The following CRAMP1 variants were observed in gnomAD, a reference collection of about 807,000 sequenced individuals.
CRAMP1 encodes the protein protein cramped-like.
A neutral mutation model predicts 115.4 loss-of-function variants in CRAMP1; 50 were observed. The observed-to-expected ratio is 0.43, with a 90% CI of 0.35 to 0.55. The LOEUF (loss-of-function observed/expected upper bound fraction) is 0.55, where lower values mean the gene tolerates loss of function less well. Ranked by LOEUF, CRAMP1 falls within the 20% of genes least tolerant of loss-of-function variation. CRAMP1 has a pLI of 0.01. For synonymous variants in CRAMP1, 866 were observed against 745.4 expected, an observed-to-expected ratio of 1.16 and a Z score of -2.64; for missense variants, 1,679 against 1,721.7, an observed-to-expected ratio of 0.98 and a Z score of 0.44.
chr16:1,673,754 G>T, intron 20 of CRAMP1, 127 bp from the exon 21 acceptor site: 1 of 808,778 alleles, frequency 1.2e-6, no homozygotes, highest in Non-Finnish European at 2.0e-6. Context: ...GCCCTGGGCT[G>T]CCATCCCTAG....
chr16:1,623,333 C>T (rs909756801), intron 2 of CRAMP1, among the ~76,000 whole-genome samples: 2 of 152,250 alleles, frequency 1.3e-5, no homozygotes, highest in African/African-American at 4.8e-5. Flanking sequence ...CTTTTCACAT[C>T]TCCTGTGTGC....
intron 6 of CRAMP1, among the ~76,000 whole-genome samples, chr16:1,644,210 C>G (rs2036655782): frequency 6.6e-6 from 1 of 152,192 alleles, no homozygotes; most frequent in African/African-American, 2.4e-5. Flanking sequence ...TCTCTGGGCC[C>G]CAGCCTCACC....
intron 4 of CRAMP1, among the ~76,000 whole-genome samples, chr16:1,632,623 TC>T (rs1227814720): frequency 6.6e-6 from 1 of 152,274 alleles, no homozygotes; most frequent in Non-Finnish European, 1.5e-5. Flanking sequence ...TTTGTGTGTT[TC>T]CAGTGGCTCT....
chr16:1,660,188 A>G (rs1291952684), intron 11 of CRAMP1, 125 bp downstream of exon 11: 2 of 761,170 alleles, frequency 2.6e-6, no homozygotes, highest in Admixed American at 3.5e-5. Context: ...CCAGCTCGCC[A>G]CTATCCAGAT....
At chr16:1,652,060 G>T (rs954940778) in intron 6 of CRAMP1, among the ~76,000 whole-genome samples, 5 of 152,250 alleles carry the variant, frequency 3.3e-5, no homozygotes, top group Admixed American at 1.3e-4. Context: ...AGGTCACGGA[G>T]AGGTAGACTG....
chr16:1,624,332 T>A (rs1046817115), intron 2 of CRAMP1, among the ~76,000 whole-genome samples: 1 of 151,990 alleles, frequency 6.6e-6, no homozygotes, highest in African/African-American at 2.4e-5. Context: ...TCTGGGTCGA[T>A]GAAGAAGCAG....
intron 6 of CRAMP1, among the ~76,000 whole-genome samples, chr16:1,651,768 G>A (rs1012819897): frequency 2.0e-5 from 3 of 150,138 alleles, no homozygotes; most frequent in Non-Finnish European, 3.0e-5. Context: ...GTGGACTGAG[G>A]TCACACAGGT....
intron 6 of CRAMP1, among the ~76,000 whole-genome samples, chr16:1,648,627 C>G (rs1321504757): frequency 6.6e-6 from 1 of 151,538 alleles, no homozygotes; most frequent in Non-Finnish European, 1.5e-5. Context: ...AAAGAATTGA[C>G]TCCATGCTTA....
intron 8 of CRAMP1, among the ~76,000 whole-genome samples, chr16:1,653,743 C>T (rs2036744495): frequency 6.6e-6 from 1 of 150,992 alleles, no homozygotes; most frequent in Non-Finnish European, 1.5e-5. Flanking sequence ...ATGACGTGAA[C>T]CCGGGAGGCG....
chr16:1,656,573 G>A lies in CRAMP1; in HGVS notation c.1816G>A (p.Glu606Lys), dbSNP rs145013663. Reference sequence around the variant, plus strand: ...AGAGGTGCTGGCTCCTGTCAGCAAGGAGGCTGCTGACCTTGCTCCCACTGG... The same window carrying A: ...AGAGGTGCTGGCTCCTGTCAGCAAGAAGGCTGCTGACCTTGCTCCCACTGG... Reference protein sequence around the residue: ...SPEVLAPVSKEAADLAPTGPS... With the variant: ...SPEVLAPVSKKAADLAPTGPS... The change falls in exon 10 of 21, where the codon GAG becomes AAG. Residue 606 changes from glutamate (E) to lysine (K), a missense_variant. Physicochemically the swap from Glu to Lys is moderately conservative, Grantham distance 56. Coordinates refer to ENST00000397412, the MANE Select transcript of CRAMP1 (RefSeq NM_020825.4). This position sits in a 1 kb window ranked among gnomAD's most constrained non-coding sequence, Gnocchi z 5.6. 0.019 allele frequency: 30,014 copies of A among 1,558,982 alleles called. 403 individuals carry two copies. The highest frequency in any genetic ancestry group is 0.021 in the Non-Finnish European group (24,230 of 1,151,838).
Position 1,666,636 on chromosome 16 carries a change from C to A in CRAMP1, c.3036+36C>A. On this transcript the variant is annotated intron_variant, in intron 16 of 20. Transcript: ENST00000397412. The surrounding 1 kb of genome is among the most constrained non-coding windows in gnomAD (Gnocchi z 5.0). ...TTAGAAGGGCTTTTCAGCATTACCA[C>A]CAACTTCTGGTGTGGACGCCAAAGC... The A allele has an allele frequency of 6.3e-7, 1 of 1,589,852 alleles. No homozygotes were observed. Among genetic ancestry groups the A allele is most frequent in the East Asian group, 2.2e-5 (1 of 44,532 alleles).
rs890199807 is a variant in CRAMP1, at chr16:1,656,378, T to C, written c.1621T>C (p.Leu541=). 20 of 1,598,130 alleles carry C rather than the reference T, an allele frequency of 1.3e-5. No individual in the cohort carries two copies. Among genetic ancestry groups the C allele is most frequent in the Non-Finnish European group, 1.6e-5 (19 of 1,172,772 alleles). Residue 541 remains leucine, a synonymous_variant, in exon 10 of 21, where the codon TTG becomes CTG. Coordinates refer to ENST00000397412, the MANE Select transcript of CRAMP1 (RefSeq NM_020825.4). The surrounding 1 kb of genome is among the most constrained non-coding windows in gnomAD (Gnocchi z 5.6). ...RDSPTREPGA[L]PCACGQLPDL... is the part of the protein sequence containing the mutation. ...CAGTCCCACCCGGGAGCCAGGGGCC[T>C]TGCCGTGTGCCTGTGGCCAGCTCCC... is the stretch of plus-strand genomic sequence containing the variant.
chr16:1,659,273 G>A (rs1193358823), intron 10 of CRAMP1, among the ~76,000 whole-genome samples: 3 of 152,302 alleles, frequency 2.0e-5, no homozygotes, highest in South Asian at 2.1e-4. Flanking sequence ...CTGGCACTTC[G>A]GGCTGGTTCC....
chr16:1,652,219 C>T (rs1413147175), intron 6 of CRAMP1, among the ~76,000 whole-genome samples: 1 of 152,216 alleles, frequency 6.6e-6, no homozygotes, highest in Non-Finnish European at 1.5e-5. Flanking sequence ...CAGCTTGTGC[C>T]AGGCCAGTCA....
At chr16:1,644,880 T>C (rs1233206328) in intron 6 of CRAMP1, among the ~76,000 whole-genome samples, 1 of 152,068 alleles carries the variant, frequency 6.6e-6, no homozygotes, top group South Asian at 2.1e-4. Context: ...TTTCCTTTTT[T>C]AAATAGAGGC....
rs765411405 is a variant in CRAMP1, at chr16:1,641,183, G to A, written c.823G>A (p.Val275Ile). Residue 275 changes from valine (V) to isoleucine (I), a missense_variant, in exon 6 of 21, where the codon GTT becomes ATT. By Grantham distance (29) the Val-to-Ile change is conservative (BLOSUM62 3). This residue lies in a region of CRAMP1 where 13 missense variants were observed against 46.9 expected (regional missense o/e 0.28). Coordinates refer to ENST00000397412, the MANE Select transcript of CRAMP1 (RefSeq NM_020825.4). ...AACAAAGCTGAATGAACTCATTCAG[G>A]TTGGGTAAGTCCCAGTTTCCATGTG... ...NATKLNELIQ[V>I]GATTVRYKGR... The A allele has an allele frequency of 3.1e-6, 5 of 1,607,948 alleles. No individual in the cohort carries two copies. Among genetic ancestry groups the A allele is most frequent in the African/African-American group, 1.3e-5 (1 of 74,794 alleles).
At chr16:1,632,130 G>C in intron 3 of CRAMP1, 82 bp from the exon 4 acceptor site, 2 of 1,420,734 alleles carry the variant, frequency 1.4e-6, no homozygotes, top group Non-Finnish European at 9.4e-7. Flanking sequence ...CTCCTTTCTC[G>C]GAACCTTGGA....
intron 5 of CRAMP1, among the ~76,000 whole-genome samples, chr16:1,640,601 TC>T (rs149229446): frequency 5.8e-4 from 89 of 152,192 alleles, no homozygotes; most frequent in African/African-American, 2.1e-3. Context: ...TAGTGAAGAG[TC>T]CCGAGCAGGT....
intron 2 of CRAMP1, among the ~76,000 whole-genome samples, chr16:1,615,216 G>T (rs377251031): frequency 6.6e-6 from 1 of 152,114 alleles, no homozygotes; most frequent in African/African-American, 2.4e-5. Flanking sequence ...TCCTTTTTTG[G>T]GGGGGAGTCG....
Sources: allele counts gnomAD v4.1 joint callset (sites outside exome capture counted in the v4.1 genomes callset), GRCh38; gene constraint gnomAD v4.1.1; regional missense constraint gnomAD v4.1.1; non-coding constraint Gnocchi (gnomAD v3.1); transcripts MANE v1.5; gene names NCBI Gene and HGNC (gene_info 2026-07-23, HGNC 2026-07-21).